EIF2AK4: variants seen among roughly 807,000 people sequenced by gnomAD.
The protein encoded by EIF2AK4 is eIF-2-alpha kinase GCN2.
In EIF2AK4, 139 loss-of-function variants were observed where a neutral mutation model predicts 211.1. The ratio of observed to expected loss-of-function variants is 0.66; its 90% CI spans 0.57 to 0.76. The LOEUF is 0.76. Among genes scored for constraint, EIF2AK4 ranks in the 30% least tolerant of loss-of-function variants. The pLI, the probability that EIF2AK4 is intolerant of heterozygous loss-of-function variation, is 0.00. For missense variants in EIF2AK4, 1,664 were observed against 2,043.8 expected (o/e 0.81, Z 3.58); for synonymous variants, 710 against 751.3 (o/e 0.94, Z 0.90).
chr15:40,023,144 C>G (rs963063198), intron 32 of EIF2AK4, among the ~76,000 whole-genome samples: 5 of 152,182 alleles, frequency 3.3e-5, no homozygotes, highest in Non-Finnish European at 4.4e-5. Flanking sequence ...TCCTACTTTT[C>G]TCCTCTTGTT....
intron 4 of EIF2AK4, chr15:39,951,590 G>A: frequency 3.2e-6 from 1 of 308,790 alleles, no homozygotes; most frequent in East Asian, 1.1e-4. Flanking sequence ...AGGGGAGTTT[G>A]CAAATCAGTT....
rs1595428355 is a variant in EIF2AK4 at position 40,011,220 on chromosome 15, TTG to T, written c.3694-57_3694-56del. On this transcript the variant is annotated intron_variant, in intron 26 of 38. Coordinates refer to ENST00000263791, the MANE Select transcript of EIF2AK4 (RefSeq NM_001013703.4). The stretch of plus-strand genomic sequence containing the variant: ...ATACTTGTTAGAATTCGCCTGGAAA[TTG>T]TGTCTTGTTCAGTGCCAGATTTCGC... The T allele has an allele frequency of 3.7e-5, 52 of 1,390,190 alleles. No individual in the cohort carries two copies. The East Asian group carries it at 1.2e-3, about 32-fold the overall frequency. 86.1% of individuals were successfully genotyped at this position (1,390,190 alleles called of 1,614,324 possible). A position where few individuals can be genotyped will look rare whatever the true frequency, so the allele number is the denominator to read the frequency against.
At chr15:40,030,515 C>A in intron 35 of EIF2AK4, 59 bp downstream of exon 35, 3 of 1,458,314 alleles carry the variant, frequency 2.1e-6, no homozygotes, top group Non-Finnish European at 2.8e-6. Context: ...AGAAAAACAA[C>A]AACAGGAAAG....
intron 1 of EIF2AK4, among the ~76,000 whole-genome samples, chr15:39,938,329 T>G (rs2034097046): frequency 6.6e-6 from 1 of 152,228 alleles, no homozygotes; most frequent in Admixed American, 6.5e-5. Flanking sequence ...CAGACCACAT[T>G]CGCAGAATTA....
At chr15:39,997,663 C>T (rs751364312) in intron 19 of EIF2AK4, among the ~76,000 whole-genome samples, 3 of 152,212 alleles carry the variant, frequency 2.0e-5, no homozygotes, top group Admixed American at 1.3e-4. Flanking sequence ...GAAGTTAAAA[C>T]GGGTCCGAAA....
At chr15:40,009,106 T>C (rs904192880) in intron 25 of EIF2AK4, among the ~76,000 whole-genome samples, 2 of 146,376 alleles carry the variant, frequency 1.4e-5, no homozygotes, top group African/African-American at 5.1e-5. Flanking sequence ...TTTGTTTTGT[T>C]TTGGAGACAG....
intron 2 of EIF2AK4, among the ~76,000 whole-genome samples, chr15:39,943,029 ATTTT>A: frequency 6.8e-6 from 1 of 146,780 alleles, no homozygotes; most frequent in Admixed American, 6.8e-5. Context: ...AACTGGAATG[ATTTT>A]TTTTTTTTTT....
chr15:39,974,666 A>C (rs750384890), intron 11 of EIF2AK4: 4 of 152,242 alleles, frequency 2.6e-5, no homozygotes, highest in Non-Finnish European at 4.4e-5. Context: ...CTTTAACTTC[A>C]TTCTATTTTA....
rs73388602 is a variant in EIF2AK4 at position 40,007,713 on chromosome 15, T to C, written c.3408-314T>C. 0.016 allele frequency among the ~76,000 whole-genome samples: 2,474 copies of C among 152,318 alleles called. 80 individuals carry two copies. The highest frequency in any genetic ancestry group is 0.057 in the African/African-American group (2,360 of 41,554). ...ATTCTAGCTACAAGTGAATAATTAA[T>C]AATCGTAGTCCTATGGTGTGGGTAT... is the stretch of plus-strand genomic sequence containing the variant. On this transcript the variant is annotated intron_variant, in intron 24 of 38. Transcript: ENST00000263791.
intron 32 of EIF2AK4, among the ~76,000 whole-genome samples, chr15:40,024,403 C>CTTTTT (rs554877205): frequency 2.3e-4 from 21 of 90,738 alleles, no homozygotes; most frequent in East Asian, 6.5e-4. Context: ...TTGAGTTTTC[C>CTTTTT]TTTTTTTTTT....
rs937812190 is a variant in EIF2AK4 at position 39,992,114 on chromosome 15, A to G, written c.2632-61A>G. On this transcript the variant is annotated intron_variant, in intron 16 of 38. Coordinates refer to ENST00000263791, the MANE Select transcript of EIF2AK4 (RefSeq NM_001013703.4). ...CTCAGTCTTCATTTAGAAACAGACA[A>G]GCCATTCTCATGGAATAATATCATG... The G allele has an allele frequency of 8.5e-6, 12 of 1,411,888 alleles. No individual in the cohort carries two copies. The African/African-American group carries it at 9.9e-5, about 12-fold the overall frequency. The allele number at this position is 1,411,888 out of a possible 1,614,324, so 87.5% of individuals were successfully genotyped here.
Position 40,020,998 on chromosome 15 carries a change from A to G in EIF2AK4, c.4273A>G (p.Thr1425Ala), listed in dbSNP as rs1221664821. The G allele has an allele frequency of 6.2e-7, 1 of 1,613,770 alleles. No individual in the cohort carries two copies. Among genetic ancestry groups the G allele is most frequent in the Non-Finnish European group, 8.5e-7 (1 of 1,179,888 alleles). ...CCAGAAACTCTGGACAGCAGGCATC[A>G]CAGCAGAAATCATGTACGACTGGTC... is the stretch of plus-strand genomic sequence containing the variant. The part of the protein sequence containing the change: ...LTQKLWTAGI[T>A]AEIMYDWSQS... Residue 1425 changes from threonine (T) to alanine (A), a missense_variant, in exon 31 of 39, where the codon ACA becomes GCA. By Grantham distance (58) the Thr-to-Ala change is moderately conservative. Coordinates refer to ENST00000263791, the MANE Select transcript of EIF2AK4 (RefSeq NM_001013703.4).
intron 3 of EIF2AK4, among the ~76,000 whole-genome samples, chr15:39,944,419 T>C (rs1248129885): frequency 6.7e-6 from 1 of 148,758 alleles, no homozygotes; most frequent in African/African-American, 2.5e-5. Context: ...TGGCAGCTTA[T>C]GTTTAACGAT....
intron 29 of EIF2AK4, among the ~76,000 whole-genome samples, chr15:40,017,829 G>T (rs942278940): frequency 6.6e-6 from 1 of 151,822 alleles, no homozygotes; most frequent in African/African-American, 2.4e-5. Flanking sequence ...TTATAGGTGT[G>T]AGCCACCACA....
At position 39,988,012 on chromosome 15, in the gene EIF2AK4, A is replaced by G. The variant is rs1420317800; in HGVS notation, c.2433A>G (p.Arg811=). ...QMEYCEKSTL[R]DTIDQGLYRD... is the part of the protein sequence containing the mutation. The stretch of plus-strand genomic sequence containing the variant: ...AGTACTGTGAGAAGAGCACTTTACG[A>G]GACACCATTGACCAGGGACTGTATC... Residue 811 remains arginine, a synonymous_variant, in exon 15 of 39, where the codon CGA becomes CGG. Transcript: ENST00000263791. 2 of 1,614,078 alleles carry G rather than the reference A, an allele frequency of 1.2e-6. No individual in the cohort carries two copies. Among genetic ancestry groups the G allele is most frequent in the African/African-American group, 2.7e-5 (2 of 74,930 alleles).
chr15:39,952,690 T>C (rs1191910460), intron 4 of EIF2AK4, among the ~76,000 whole-genome samples: 1 of 152,216 alleles, frequency 6.6e-6, no homozygotes, highest in Admixed American at 6.5e-5. Context: ...TATGCTTGTC[T>C]CTTTTTTCAT....
intron 19 of EIF2AK4, among the ~76,000 whole-genome samples, chr15:39,997,518 C>G (rs577216440): frequency 3.9e-5 from 6 of 152,206 alleles, no homozygotes; most frequent in Admixed American, 6.5e-5. Context: ...GAAGAAGCCA[C>G]AAAATTGGGC....
At chr15:39,966,937 T>C (rs1403267806) in intron 8 of EIF2AK4, among the ~76,000 whole-genome samples, 1 of 152,222 alleles carries the variant, frequency 6.6e-6, no homozygotes, top group Admixed American at 6.5e-5. Flanking sequence ...TCATATACTA[T>C]ATTTTTAAAA....
intron 9 of EIF2AK4, among the ~76,000 whole-genome samples, chr15:39,969,704 C>T (rs2034597752): frequency 2.0e-5 from 3 of 152,102 alleles, no homozygotes; most frequent in Non-Finnish European, 4.4e-5. Flanking sequence ...ATTTTGTATA[C>T]TTCTCTCCCT....
Sources: gnomAD v4.1 joint callset for allele counts (sites outside exome capture counted in the v4.1 genomes callset) on GRCh38, gnomAD v4.1.1 for gene constraint, MANE v1.5 for transcripts, NCBI Gene and HGNC (gene_info 2026-07-23, HGNC 2026-07-21) for gene names.